Variants in CLN6 observed in about 807,000 individuals in gnomAD.
The protein encoded by CLN6 is CLN6 transmembrane ER protein, also known as ceroid-lipofuscinosis neuronal protein 6.
CLN6 carries 22 observed loss-of-function variants against 33.3 expected under a neutral mutation model. That is an observed-to-expected ratio of 0.66 (90% CI 0.47 to 0.94). The LOEUF (loss-of-function observed/expected upper bound fraction) is 0.94, where lower values mean the gene tolerates loss of function less well. Ranked by LOEUF, CLN6 falls within the 40% of genes least tolerant of loss-of-function variation. CLN6 has a pLI of 0.00. For missense variants in CLN6, 387 were observed against 417.1 expected (o/e 0.93, Z 0.63); for synonymous variants, 201 against 174.6 (o/e 1.15, Z -1.19).
At chr15:68,218,503 T>C in intron 2 of CLN6, 33 bp downstream of exon 2, 2 of 1,485,460 alleles carry the variant, frequency 1.3e-6, no homozygotes, top group Middle Eastern at 3.4e-4. Flanking sequence ...TCCTCAGTGC[T>C]GGTCAGAGCC....
intron 1 of CLN6, among the ~76,000 whole-genome samples, chr15:68,237,183 A>AAC (rs1555440729): frequency 3.3e-5 from 5 of 149,870 alleles, no homozygotes; most frequent in African/African-American, 1.2e-4. Context: ...AAAAAAAAAA[A>AAC]AAAAAACTGA....
At chr15:68,212,840 C>G (rs1282675195) in intron 3 of CLN6, 1 of 152,126 alleles carries the variant, frequency 6.6e-6, no homozygotes, top group Non-Finnish European at 1.5e-5. Context: ...ATATACTTTA[C>G]ATACACAGCC....
chr15:68,225,338 T>G (rs775822233), intron 1 of CLN6, among the ~76,000 whole-genome samples: 1 of 152,158 alleles, frequency 6.6e-6, no homozygotes, highest in Non-Finnish European at 1.5e-5. Context: ...ATGTTTAGAG[T>G]CAATCCACAG....
chr15:68,255,404 C>A (rs929718196), intron 1 of CLN6, among the ~76,000 whole-genome samples: 2 of 152,204 alleles, frequency 1.3e-5, no homozygotes, highest in African/African-American at 4.8e-5. Context: ...GGTTCTGTTT[C>A]TAGATTGTGG....
upstream of CLN6, among the ~76,000 whole-genome samples, chr15:68,231,496 C>G (rs2093268575): frequency 6.6e-6 from 1 of 152,248 alleles, no homozygotes; most frequent in South Asian, 2.1e-4. Context: ...TCTCGGTATA[C>G]ACCAGAGAAG....
At chr15:68,216,589 C>A (rs949909040) in intron 2 of CLN6, among the ~76,000 whole-genome samples, 2 of 152,194 alleles carry the variant, frequency 1.3e-5, no homozygotes, top group Admixed American at 6.5e-5. Flanking sequence ...CATTTAGGAA[C>A]CTTTTTTCTC....
intron 1 of CLN6, among the ~76,000 whole-genome samples, chr15:68,250,284 G>A (rs189702416): frequency 3.4e-4 from 52 of 151,658 alleles, no homozygotes; most frequent in African/African-American, 1.1e-3. Context: ...GAAAGCCCAA[G>A]TAGTCCAATA....
At chr15:68,218,904 G>C (rs998808443) in intron 1 of CLN6, among the ~76,000 whole-genome samples, 2 of 152,060 alleles carry the variant, frequency 1.3e-5, no homozygotes, top group African/African-American at 4.8e-5. Context: ...TAATTGCTGG[G>C]GTTTCTCCGC....
Position 68,211,517 on chromosome 15 carries a change from T to C in CLN6, c.486+158A>G. 1 of 1,588,978 alleles carries C rather than the reference T, an allele frequency of 6.3e-7. No homozygotes were observed. Among genetic ancestry groups the C allele is most frequent in the South Asian group, 1.1e-5 (1 of 89,040 alleles). ...TCTGTGCACCACTTCCTAAGAACAC[T>C]TGAGCATCCTAGCTTGGGGCAGGCG... On this transcript the variant is annotated intron_variant, in intron 4 of 6. Transcript: ENST00000249806. The surrounding 1 kb of genome is among the most constrained non-coding windows in gnomAD (Gnocchi z 5.9).
At position 68,243,054 on chromosome 15, in the gene CLN6, C is replaced by T. The variant is rs375610833; in HGVS notation, c.179+13636G>A. Among the ~76,000 whole-genome samples, 10 of 152,188 alleles carry T rather than the reference C, an allele frequency of 6.6e-5. No homozygotes were observed. In the East Asian group the frequency reaches 1.4e-3, roughly 21 times the overall value. On this transcript the variant is annotated intron_variant, in intron 1 of 6. Transcript: ENST00000538696. The stretch of plus-strand genomic sequence containing the variant: ...CAAGGTGTATGGGGAATGTGCTTTT[C>T]GTAAAAGACTGTAAGAAGTCACAGA...
At chr15:68,254,476 T>C (rs912343458) in intron 1 of CLN6, 1 of 315,354 alleles carries the variant, frequency 3.2e-6, no homozygotes, top group Non-Finnish European at 6.1e-6. Flanking sequence ...AGACTTAGTA[T>C]GAAAAAAGGT....
At chr15:68,254,572 C>G in intron 1 of CLN6, 1 of 553,166 alleles carries the variant, frequency 1.8e-6, no homozygotes, top group Non-Finnish European at 3.2e-6. Context: ...GAGAACGACC[C>G]CAGGACAGAT....
At position 68,256,878 on chromosome 15, in the gene CLN6, A is replaced by G; in HGVS notation, c.-10T>C. 1.6e-6 allele frequency: 1 copy of G among 643,742 alleles called. No individual in the cohort carries two copies. Among genetic ancestry groups the G allele is most frequent in the Non-Finnish European group, 2.8e-6 (1 of 353,388 alleles). 39.9% of individuals were successfully genotyped at this position (643,742 alleles called of 1,614,324 possible). ...CGGCAACGGCTGCCATTTTCCGCCC[A>G]GGCAAGGTCCTGGGCGCGGCTCTGG... On this transcript the variant is annotated 5_prime_UTR_variant, in exon 1 of 7. Coordinates refer to the CLN6 transcript ENST00000538696. This position sits in a 1 kb window ranked among gnomAD's most constrained non-coding sequence, Gnocchi z 4.1.
intron 3 of CLN6, 53 bp downstream of exon 3, chr15:68,214,237 A>C: frequency 7.6e-7 from 1 of 1,321,506 alleles, no homozygotes; most frequent in Admixed American, 1.7e-5. Context: ...CCTTCCTGCC[A>C]GGTGTGCAAA....
intron 1 of CLN6, among the ~76,000 whole-genome samples, chr15:68,223,737 A>C (rs974009449): frequency 3.3e-5 from 5 of 151,312 alleles, no homozygotes; most frequent in African/African-American, 1.2e-4. Context: ...CTAACTTAGT[A>C]GGACAGGAAA....
chr15:68,250,098 G>A (rs938428388), intron 1 of CLN6, among the ~76,000 whole-genome samples: 1 of 152,044 alleles, frequency 6.6e-6, no homozygotes, highest in Non-Finnish European at 1.5e-5. Flanking sequence ...ATAACTAGAA[G>A]AGAATAATTC....
In CLN6 at chr15:68,236,553, A is replaced by G. The variant is rs944493755; in HGVS notation, c.180-17903T>C. Among the ~76,000 whole-genome samples, 1 of 152,242 alleles carries G rather than the reference A, an allele frequency of 6.6e-6. No homozygotes were observed. Among genetic ancestry groups the G allele is most frequent in the African/African-American group, 2.4e-5 (1 of 41,466 alleles). ...TGAAATGTCCAGAATAGGCAAATCTACAGAGACAGAAAGTAGACATAATGG... is the reference window on the plus strand; with the variant it reads ...TGAAATGTCCAGAATAGGCAAATCTGCAGAGACAGAAAGTAGACATAATGG... On this transcript the variant is annotated intron_variant, in intron 1 of 6. Coordinates refer to the CLN6 transcript ENST00000538696. The surrounding 1 kb of genome is among the most constrained non-coding windows in gnomAD (Gnocchi z 4.5).
intron 1 of CLN6, among the ~76,000 whole-genome samples, chr15:68,235,107 T>G (rs1892206068): frequency 6.6e-6 from 1 of 152,214 alleles, no homozygotes; most frequent in Non-Finnish European, 1.5e-5. Flanking sequence ...ATCTCAGTGC[T>G]TAATGTGTAT....
intron 1 of CLN6, 89 bp downstream of exon 1, chr15:68,229,413 C>G: frequency 9.3e-7 from 1 of 1,078,778 alleles, no homozygotes; most frequent in South Asian, 1.7e-5. Flanking sequence ...GAGGTTCCCG[C>G]CCGGCAGCCC....
Sources: gnomAD v4.1 joint callset for allele counts (sites outside exome capture counted in the v4.1 genomes callset) on GRCh38, gnomAD v4.1.1 for gene constraint, Gnocchi (gnomAD v3.1) non-coding constraint, MANE v1.5 for transcripts, NCBI Gene and HGNC (gene_info 2026-07-23, HGNC 2026-07-21) for gene names.